Variants in NEDD9 observed in about 807,000 individuals in gnomAD.
The protein encoded by NEDD9 is enhancer of filamentation 1.
A neutral mutation model predicts 76.6 loss-of-function variants in NEDD9; 26 were observed. That is an observed-to-expected ratio of 0.34 (90% CI 0.25 to 0.47). The LOEUF (loss-of-function observed/expected upper bound fraction) is 0.47. NEDD9 is among the 20% of genes least tolerant of loss of function. The pLI is 1.00. For synonymous variants in NEDD9, 392 were observed against 414.2 expected, an observed-to-expected ratio of 0.95 and a Z score of 0.65; for missense variants, 937 against 1,058.5, an observed-to-expected ratio of 0.89 and a Z score of 1.59.
At chr6:11,200,772 G>A (rs1289964610) in intron 2 of NEDD9, 2 of 1,417,336 alleles carry the variant, frequency 1.4e-6, no homozygotes, top group Non-Finnish European at 1.8e-6. Flanking sequence ...AGTTCTTGGG[G>A]TTACTGTTTT....
chr6:11,357,596 A>G (rs983793648), intron 1 of NEDD9, among the ~76,000 whole-genome samples: 15 of 152,254 alleles, frequency 9.9e-5, no homozygotes, highest in Non-Finnish European at 2.2e-4. Context: ...ACTTGGAATC[A>G]GAAACAACAC....
rs114055390 is a variant in NEDD9, at chr6:11,227,134, G to C, written c.12+5370C>G. ...CAATAATGAAGGAATCAAGTCATTA[G>C]TATATTAGCAAGTGGGGTCATATGC... On this transcript the variant is annotated intron_variant, in intron 1 of 6. Transcript: ENST00000379446. Among the ~76,000 whole-genome samples the C allele has an allele frequency of 2.4e-3, 365 of 152,300 alleles. 1 individual carries two copies. Among genetic ancestry groups the C allele is most frequent in the African/African-American group, 8.4e-3 (347 of 41,552 alleles).
rs950705789 is a variant in NEDD9, at chr6:11,200,460, A to T, written c.460-6768T>A. 9 of 944,282 alleles carry T rather than the reference A, an allele frequency of 9.5e-6. No homozygotes were observed. The African/African-American group carries it at 1.2e-4, about 13-fold the overall frequency. The allele number at this position is 944,282 out of a possible 1,614,324, so 58.5% of individuals were successfully genotyped here. A position where few individuals can be genotyped will look rare whatever the true frequency, so the allele number is the denominator to read the frequency against. ...GTCCCACATACAATCAAAGATAAAC[A>T]GGAATTCAGGGGACAAGACAACAGG... On this transcript the variant is annotated intron_variant, in intron 2 of 6. Transcript: ENST00000379446.
chr6:11,338,881 C>T (rs1762217429), intron 1 of NEDD9, among the ~76,000 whole-genome samples: 1 of 147,776 alleles, frequency 6.8e-6, no homozygotes, highest in Non-Finnish European at 1.5e-5. Flanking sequence ...GAGATTGTGC[C>T]ACTGTACTCC....
At chr6:11,209,970 C>CTTTTGTTTTTTTTTTTTTTT (rs1554125208) in intron 2 of NEDD9, among the ~76,000 whole-genome samples, 1 of 131,072 alleles carries the variant, frequency 7.6e-6, no homozygotes, top group Non-Finnish European at 1.6e-5. Context: ...AATTCACTGT[C>CTTTTGTTTTTTTTTTTTTTT]TTTTTTTTTT....
chr6:11,334,838 C>T (rs971156181), intron 1 of NEDD9, among the ~76,000 whole-genome samples: 1 of 152,158 alleles, frequency 6.6e-6, no homozygotes, highest in Admixed American at 6.5e-5. Context: ...CAACTGGCAA[C>T]ATCAACAACA....
At chr6:11,211,857 G>T (rs1758795617) in intron 2 of NEDD9, among the ~76,000 whole-genome samples, 1 of 152,142 alleles carries the variant, frequency 6.6e-6, no homozygotes, top group East Asian at 1.9e-4. Flanking sequence ...TTGTTTAAAG[G>T]AATCTACCCA....
intron 2 of NEDD9, chr6:11,200,979 GT>G (rs777862963): frequency 2.0e-5 from 32 of 1,614,128 alleles, no homozygotes; most frequent in Non-Finnish European, 2.5e-5. Flanking sequence ...TTCAGTGGAG[GT>G]TCACAAGCTG....
intron 1 of NEDD9, among the ~76,000 whole-genome samples, chr6:11,347,455 C>A (rs1240807062): frequency 6.6e-6 from 1 of 152,126 alleles, no homozygotes; most frequent in Non-Finnish European, 1.5e-5. Flanking sequence ...CAAAACCTGG[C>A]AGAGACACAA....
Position 11,318,907 on chromosome 6 carries a change from G to A in NEDD9, c.-152-12752C>T, listed in dbSNP as rs551353661. 3.3e-5 allele frequency among the ~76,000 whole-genome samples: 5 copies of A among 152,296 alleles called. No individual in the cohort carries two copies. The East Asian group carries it at 9.6e-4, about 29-fold the overall frequency. On this transcript the variant is annotated intron_variant, in intron 2 of 3. Coordinates refer to the NEDD9 transcript ENST00000397378. ...AACTATTGGCTGAAAAGAAACAACA[G>A]GAGAGGTGAGAATTTGTCCAGTTTA... is the stretch of plus-strand genomic sequence containing the variant.
intron 3 of NEDD9, among the ~76,000 whole-genome samples, chr6:11,279,514 T>C (rs1760488109): frequency 6.6e-6 from 1 of 152,184 alleles, no homozygotes; most frequent in Admixed American, 6.5e-5. Context: ...GTTGTTATTG[T>C]TGGTTGTTCT....
rs569591984 is a variant in NEDD9 at position 11,253,788 on chromosome 6, T to C, written c.13-40061A>G. 2.0e-5 allele frequency among the ~76,000 whole-genome samples: 3 copies of C among 152,306 alleles called. No homozygotes were observed. The South Asian group carries it at 6.2e-4, about 32-fold the overall frequency. On this transcript the variant is annotated intron_variant, in intron 3 of 3. Coordinates refer to the NEDD9 transcript ENST00000397378. ...TCAGGATTCTATAAAAAGAATAAAA[T>C]AGATCCAGCACCCACCCTCTAAGAC...
At chr6:11,254,179 G>A (rs1759961974) in intron 3 of NEDD9, among the ~76,000 whole-genome samples, 1 of 151,816 alleles carries the variant, frequency 6.6e-6, no homozygotes, top group Non-Finnish European at 1.5e-5. Context: ...GGAGTACAGT[G>A]GCATGATCTC....
Position 11,184,994 on chromosome 6 carries a change from C to G in NEDD9, c.*168G>C. 1 of 847,104 alleles carries G rather than the reference C, an allele frequency of 1.2e-6. No individual in the cohort carries two copies. Among genetic ancestry groups the G allele is most frequent in the Non-Finnish European group, 1.7e-6 (1 of 578,252 alleles). The allele number at this position is 847,104 out of a possible 1,614,324, so 52.5% of individuals were successfully genotyped here. A position where few individuals can be genotyped will look rare whatever the true frequency, so the allele number is the denominator to read the frequency against. On this transcript the variant is annotated 3_prime_UTR_variant, in exon 7 of 7. Transcript: ENST00000379446. ...CTCAGGGGGAAAAAAAAAGATTTCC[C>G]TCTCCAGCTCCCTGAATTTCTGAAA...
intron 1 of NEDD9, among the ~76,000 whole-genome samples, chr6:11,375,958 G>T (rs544541051): frequency 3.3e-5 from 5 of 152,224 alleles, no homozygotes; most frequent in Non-Finnish European, 7.4e-5. Flanking sequence ...CTGAGTAGCT[G>T]GGACTACAGG....
At chr6:11,299,197 G>A (rs201957428) in intron 3 of NEDD9, among the ~76,000 whole-genome samples, 13 of 65,702 alleles carry the variant, frequency 2.0e-4, no homozygotes, top group Non-Finnish European at 2.9e-4. Flanking sequence ...CTCCTGTGCC[G>A]GCTCAGTGGG....
chr6:11,332,706 G>A (rs1338377387), intron 2 of NEDD9, among the ~76,000 whole-genome samples: 1 of 152,152 alleles, frequency 6.6e-6, no homozygotes, highest in Non-Finnish European at 1.5e-5. Context: ...GTGTGCTCTG[G>A]AACTGATTCT....
At chr6:11,307,451 C>A (rs1389633687) in intron 2 of NEDD9, among the ~76,000 whole-genome samples, 2 of 152,126 alleles carry the variant, frequency 1.3e-5, no homozygotes, top group African/African-American at 4.8e-5. Flanking sequence ...AGTGTCTTGG[C>A]CCCACACAGG....
chr6:11,307,200 A>G (rs576537641), intron 2 of NEDD9, among the ~76,000 whole-genome samples: 1 of 152,368 alleles, frequency 6.6e-6, no homozygotes, highest in African/African-American at 2.4e-5. Flanking sequence ...AGCTGCCCTT[A>G]GGAGGAAGAG....
Sources: gnomAD v4.1 joint callset for allele counts (sites outside exome capture counted in the v4.1 genomes callset) on GRCh38, gnomAD v4.1.1 for gene constraint, MANE v1.5 for transcripts, NCBI Gene and HGNC (gene_info 2026-07-23, HGNC 2026-07-21) for gene names.